The following CACNB2 variants were observed in gnomAD, a reference collection of about 807,000 sequenced individuals.
CACNB2 encodes calcium voltage-gated channel auxiliary subunit beta 2.
A neutral mutation model predicts 73.3 loss-of-function variants in CACNB2; 42 were observed. That is an observed-to-expected ratio of 0.57 (90% CI 0.45 to 0.74). The LOEUF (loss-of-function observed/expected upper bound fraction) is 0.74, where lower values mean the gene tolerates loss of function less well. CACNB2 is among the 30% of genes least tolerant of loss of function. The pLI is 0.00. For missense variants in CACNB2, 940 were observed against 853.0 expected (o/e 1.10, Z -1.27); for synonymous variants, 348 against 310.3 (o/e 1.12, Z -1.28).
chr10:18,164,293 C>A (rs1317231941), intron 2 of CACNB2, among the ~76,000 whole-genome samples: 1 of 152,150 alleles, frequency 6.6e-6, no homozygotes, highest in Non-Finnish European at 1.5e-5. Flanking sequence ...GACTAATAGA[C>A]GTTTTCCCTT....
intron 2 of CACNB2, among the ~76,000 whole-genome samples, chr10:18,204,368 G>A (rs546192067): frequency 1.3e-5 from 2 of 152,160 alleles, no homozygotes; most frequent in African/African-American, 2.4e-5. Flanking sequence ...CTAAACACCC[G>A]TTACTAAGTA....
chr10:18,272,960 C>G (rs756182251), intron 2 of CACNB2, among the ~76,000 whole-genome samples: 2 of 152,200 alleles, frequency 1.3e-5, no homozygotes, highest in Non-Finnish European at 2.9e-5. Context: ...CCATCTTAGA[C>G]TCATAGACTC....
At chr10:18,498,499 T>G in intron 4 of CACNB2, 22 bp downstream of exon 4, 2 of 1,613,060 alleles carry the variant, frequency 1.2e-6, no homozygotes. Context: ...AATTTCATTT[T>G]CTAACAGCAT....
chr10:18,537,794 A>AAAGAT (rs1329002359), intron 12 of CACNB2, among the ~76,000 whole-genome samples: 3 of 152,120 alleles, frequency 2.0e-5, no homozygotes, highest in African/African-American at 7.2e-5. Context: ...GAAAAAGAAA[A>AAAGAT]AAGATATCAC....
chr10:18,308,174 G>T (rs1403229718), intron 2 of CACNB2, among the ~76,000 whole-genome samples: 1 of 151,310 alleles, frequency 6.6e-6, no homozygotes, highest in Admixed American at 6.6e-5. Context: ...TTGTATTTTT[G>T]GTAGAGTCCG....
At chr10:18,504,639 T>TTGTGTGTGTGTG (rs113483548) in intron 5 of CACNB2, among the ~76,000 whole-genome samples, 28 of 151,644 alleles carry the variant, frequency 1.8e-4, no homozygotes, top group African/African-American at 4.4e-4. Context: ...TTCTCTCCTT[T>TTGTGTGTGTGTG]TGTGTGTGTG....
intron 5 of CACNB2, among the ~76,000 whole-genome samples, chr10:18,505,528 A>T (rs984268678): frequency 1.3e-5 from 2 of 152,238 alleles, no homozygotes; most frequent in African/African-American, 2.4e-5. Context: ...TTTTATTTCC[A>T]TATTAATATT....
intron 2 of CACNB2, among the ~76,000 whole-genome samples, chr10:18,296,867 T>C (rs893250954): frequency 2.0e-5 from 3 of 152,210 alleles, no homozygotes; most frequent in African/African-American, 4.8e-5. Context: ...AGATTCTGAG[T>C]TTAAATCCTG....
chr10:18,528,983 G>A (rs1454083799), intron 10 of CACNB2, among the ~76,000 whole-genome samples: 1 of 152,020 alleles, frequency 6.6e-6, no homozygotes, highest in African/African-American at 2.4e-5. Context: ...GGGACTACAG[G>A]CACATGCCAC....
chr10:18,217,013 ATTCATTTATCTT>A (rs2035540224), intron 2 of CACNB2, among the ~76,000 whole-genome samples: 1 of 152,172 alleles, frequency 6.6e-6, no homozygotes, highest in Non-Finnish European at 1.5e-5. Flanking sequence ...GAACCTTTTT[ATTCATTTATCTT>A]TTCATACGTT....
chr10:18,275,987 G>A lies in CACNB2; in HGVS notation c.213+125012G>A, dbSNP rs539388021. Among the ~76,000 whole-genome samples the A allele has an allele frequency of 2.6e-5, 4 of 152,196 alleles. No individual in the cohort carries two copies. In the South Asian group the frequency reaches 8.3e-4, roughly 32 times the overall value. On this transcript the variant is annotated intron_variant, in intron 2 of 13. Coordinates refer to ENST00000324631, the MANE Select transcript of CACNB2 (RefSeq NM_201596.3). ...TGTTCAGATTTAATGAGGAAATTCTGGTTCAGCTTTTCTTTATTCCTTGTC... is the reference window on the plus strand; with the variant it reads ...TGTTCAGATTTAATGAGGAAATTCTAGTTCAGCTTTTCTTTATTCCTTGTC...
chr10:18,510,615 T>TA (rs1378776923), intron 6 of CACNB2, among the ~76,000 whole-genome samples: 3 of 152,106 alleles, frequency 2.0e-5, no homozygotes, highest in Admixed American at 2.0e-4. Flanking sequence ...ACTCTTATTT[T>TA]AAAAAACAAA....
At chr10:18,482,776 T>G (rs2132858840) in intron 3 of CACNB2, among the ~76,000 whole-genome samples, 1 of 152,196 alleles carries the variant, frequency 6.6e-6, no homozygotes, top group Admixed American at 6.5e-5. Flanking sequence ...CCTCCCAAAG[T>G]GCTGGGATTA....
At chr10:18,229,219 AAGG>A (rs2036133074) in intron 2 of CACNB2, among the ~76,000 whole-genome samples, 1 of 152,234 alleles carries the variant, frequency 6.6e-6, no homozygotes, top group South Asian at 2.1e-4. Context: ...TAATTAAGGA[AAGG>A]AGATCAGCAT....
intron 2 of CACNB2, among the ~76,000 whole-genome samples, chr10:18,335,147 C>T (rs988374415): frequency 6.6e-5 from 10 of 151,674 alleles, no homozygotes; most frequent in Non-Finnish European, 1.5e-4. Flanking sequence ...AAAAAAATAC[C>T]GTTGGATATG....
At chr10:18,514,541 A>G (rs759727188) in intron 7 of CACNB2, 172 bp downstream of exon 7, 9 of 1,613,624 alleles carry the variant, frequency 5.6e-6, no homozygotes, top group African/African-American at 1.3e-5. Context: ...GTAAGTTTAC[A>G]TTGACATAAG....
At chr10:18,406,265 A>G (rs2044283157) in intron 3 of CACNB2, among the ~76,000 whole-genome samples, 1 of 152,098 alleles carries the variant, frequency 6.6e-6, no homozygotes, top group Non-Finnish European at 1.5e-5. Context: ...CCAGGTTTAG[A>G]CTGCATCCTA....
At chr10:18,473,813 A>G (rs996574032) in intron 3 of CACNB2, among the ~76,000 whole-genome samples, 7 of 152,200 alleles carry the variant, frequency 4.6e-5, no homozygotes, top group Non-Finnish European at 7.3e-5. Flanking sequence ...ACTGCCATCT[A>G]AAGTGAAAAA....
chr10:18,189,309 A>G (rs560687515), intron 2 of CACNB2, among the ~76,000 whole-genome samples: 1 of 152,230 alleles, frequency 6.6e-6, no homozygotes, highest in Admixed American at 6.5e-5. Flanking sequence ...AGTAATTCAT[A>G]TCAATTGATG....
Sources: allele counts gnomAD v4.1 joint callset (sites outside exome capture counted in the v4.1 genomes callset), GRCh38; gene constraint gnomAD v4.1.1; transcripts MANE v1.5; gene names NCBI Gene and HGNC (gene_info 2026-07-23, HGNC 2026-07-21).